Variants in PLCL1 observed in about 807,000 individuals in gnomAD.
PLCL1 encodes the protein inactive phospholipase C-like protein 1.
A neutral mutation model predicts 84.4 loss-of-function variants in PLCL1; 41 were observed. The observed-to-expected ratio is 0.49, with a 90% CI of 0.38 to 0.63. The LOEUF (loss-of-function observed/expected upper bound fraction) is 0.63. Among genes scored for constraint, PLCL1 ranks in the 30% least tolerant of loss-of-function variants. PLCL1 has a pLI of 0.00. For missense variants in PLCL1, 1,206 were observed against 1,367.8 expected (o/e 0.88, Z 1.87); for synonymous variants, 490 against 488.3 (o/e 1.00, Z -0.05).
intron 1 of PLCL1, among the ~76,000 whole-genome samples, chr2:197,919,263 A>C (rs1329189091): frequency 6.6e-6 from 1 of 152,172 alleles, no homozygotes; most frequent in Non-Finnish European, 1.5e-5. Context: ...TTTGTATTGC[A>C]ATCGGTTACC....
At chr2:198,093,480 C>G (rs750802803) in intron 3 of PLCL1, among the ~76,000 whole-genome samples, 3 of 152,130 alleles carry the variant, frequency 2.0e-5, no homozygotes. Context: ...ACCACCCCCC[C>G]AACCTACCAC....
intron 1 of PLCL1, among the ~76,000 whole-genome samples, chr2:198,075,234 C>T (rs1258789109): frequency 1.3e-5 from 2 of 152,166 alleles, no homozygotes; most frequent in Non-Finnish European, 2.9e-5. Context: ...CCACTTGGTT[C>T]TTGGCACTTC....
chr2:197,942,033 T>C (rs1031416548), intron 1 of PLCL1, among the ~76,000 whole-genome samples: 6 of 152,238 alleles, frequency 3.9e-5, no homozygotes, highest in Non-Finnish European at 7.3e-5. Flanking sequence ...TTTTCTCTCA[T>C]TGATTTGTCC....
intron 1 of PLCL1, among the ~76,000 whole-genome samples, chr2:197,949,873 T>A (rs913023827): frequency 7.9e-5 from 12 of 152,210 alleles, no homozygotes; most frequent in African/African-American, 2.7e-4. Flanking sequence ...GTGCGTGGGA[T>A]TTATGAGTGG....
At chr2:197,958,227 A>G (rs1025737708) in intron 1 of PLCL1, among the ~76,000 whole-genome samples, 1 of 151,876 alleles carries the variant, frequency 6.6e-6, no homozygotes, top group Non-Finnish European at 1.5e-5. Context: ...TATTATTTCT[A>G]GTTTCCTTTT....
chr2:197,822,150 C>T (rs1417676275), intron 1 of PLCL1, among the ~76,000 whole-genome samples: 1 of 152,106 alleles, frequency 6.6e-6, no homozygotes, highest in Non-Finnish European at 1.5e-5. Flanking sequence ...CTGTTGTGTG[C>T]CACATGCTGT....
At chr2:197,882,078 C>T (rs1321992049) in intron 1 of PLCL1, among the ~76,000 whole-genome samples, 7 of 152,110 alleles carry the variant, frequency 4.6e-5, no homozygotes, top group African/African-American at 9.7e-5. Context: ...CCTCACCCCC[C>T]ACCCCAAATT....
At chr2:198,121,254 A>G (rs576139484) in intron 5 of PLCL1, among the ~76,000 whole-genome samples, 2 of 152,082 alleles carry the variant, frequency 1.3e-5, no homozygotes, top group Admixed American at 1.3e-4. Context: ...ATTTTCTTCC[A>G]TTCTATAGTT....
intron 1 of PLCL1, among the ~76,000 whole-genome samples, chr2:197,970,487 G>C (rs1689840318): frequency 6.6e-6 from 1 of 152,134 alleles, no homozygotes; most frequent in Non-Finnish European, 1.5e-5. Flanking sequence ...TATACTATAA[G>C]TGTAAAACCC....
chr2:197,975,002 G>A (rs988430363), intron 1 of PLCL1, among the ~76,000 whole-genome samples: 23 of 151,742 alleles, frequency 1.5e-4, no homozygotes, highest in South Asian at 2.1e-4. Context: ...TTAGCCGGGC[G>A]CGGTGGCGGG....
rs761031377 is a variant in PLCL1 at position 198,085,332 on chromosome 2, A to T, written c.1815A>T (p.Lys605Asn). ...ACAGGGATTTTGAACTATCTATGAA[A>T]AGCCAAAACTATTGGGAAATGTGTT... The part of the protein sequence containing the change: ...VQYRDFELSM[K>N]SQNYWEMCSF... Residue 605 changes from lysine (K) to asparagine (N), a missense_variant, in exon 2 of 6, where the codon AAA (lysine) becomes AAT (asparagine). Lys to Asn is a moderately conservative substitution (Grantham distance 94). Transcript: ENST00000428675. This position sits in a 1 kb window ranked among gnomAD's most constrained non-coding sequence, Gnocchi z 5.3. 3.0e-5 allele frequency: 48 copies of T among 1,613,398 alleles called. No individual in the cohort carries two copies. In the South Asian group the frequency reaches 5.2e-4, roughly 17 times the overall value.
intron 1 of PLCL1, among the ~76,000 whole-genome samples, chr2:197,836,001 A>C (rs923055700): frequency 3.3e-5 from 5 of 152,170 alleles, no homozygotes; most frequent in Non-Finnish European, 5.9e-5. Context: ...TGGAGAGTAG[A>C]AATCACAAGT....
At chr2:197,823,404 G>C (rs1292917265) in intron 1 of PLCL1, among the ~76,000 whole-genome samples, 1 of 152,080 alleles carries the variant, frequency 6.6e-6, no homozygotes, top group Admixed American at 6.6e-5. Flanking sequence ...ATTTAAATGA[G>C]AGAATTCATG....
intron 5 of PLCL1, among the ~76,000 whole-genome samples, chr2:198,116,069 A>G (rs1693742179): frequency 6.7e-6 from 1 of 150,060 alleles, no homozygotes; most frequent in Non-Finnish European, 1.5e-5. Context: ...ATATGTGTAC[A>G]TACAAATATG....
intron 1 of PLCL1, among the ~76,000 whole-genome samples, chr2:197,849,790 T>G (rs1687191709): frequency 6.6e-6 from 1 of 152,106 alleles, no homozygotes; most frequent in Non-Finnish European, 1.5e-5. Context: ...CACATCTCCT[T>G]TAGGATCTGT....
At chr2:197,845,560 T>A (rs1559022956) in intron 1 of PLCL1, among the ~76,000 whole-genome samples, 1 of 152,122 alleles carries the variant, frequency 6.6e-6, no homozygotes, top group Non-Finnish European at 1.5e-5. Context: ...GGAATTTGAA[T>A]TCGTATTCCA....
intron 1 of PLCL1, among the ~76,000 whole-genome samples, chr2:198,015,218 A>C (rs998731918): frequency 1.3e-5 from 2 of 152,062 alleles, no homozygotes; most frequent in Non-Finnish European, 2.9e-5. Flanking sequence ...CTATCTACAA[A>C]TCTATCTTTC....
At chr2:198,020,055 C>A (rs943406291) in intron 1 of PLCL1, among the ~76,000 whole-genome samples, 2 of 152,190 alleles carry the variant, frequency 1.3e-5, no homozygotes, top group African/African-American at 4.8e-5. Flanking sequence ...AGAAACCCTG[C>A]AAGCCAGAAG....
chr2:197,823,888 T>C (rs1186006885), intron 1 of PLCL1, among the ~76,000 whole-genome samples: 1 of 152,174 alleles, frequency 6.6e-6, no homozygotes, highest in Non-Finnish European at 1.5e-5. Flanking sequence ...TGTTCTTTCT[T>C]GACAAACAAA....
Sources: allele counts gnomAD v4.1 joint callset (sites outside exome capture counted in the v4.1 genomes callset), GRCh38; gene constraint gnomAD v4.1.1; non-coding constraint Gnocchi (gnomAD v3.1); transcripts MANE v1.5; gene names NCBI Gene and HGNC (gene_info 2026-07-23, HGNC 2026-07-21).